The following AGBL1 variants were observed in gnomAD, a reference collection of about 807,000 sequenced individuals.
AGBL1 encodes cytosolic carboxypeptidase 4.
Under a neutral mutation model 118.9 loss-of-function variants are expected in AGBL1, and 130 were observed. The ratio of observed to expected loss-of-function variants is 1.09; its 90% CI spans 0.95 to 1.26. The LOEUF (loss-of-function observed/expected upper bound fraction) is 1.26, where lower values mean the gene tolerates loss of function less well. Among genes scored for constraint, AGBL1 ranks in the 50% most tolerant of loss-of-function variants. The probability of loss-of-function intolerance (pLI) is 0.00; values close to 1 mark genes in which losing one functional copy is unlikely to be tolerated. For synonymous variants in AGBL1, 555 were observed against 478.9 expected (o/e 1.16, Z -2.08); for missense variants, 1,584 against 1,298.1 (o/e 1.22, Z -3.38).
intron 5 of AGBL1, among the ~76,000 whole-genome samples, chr15:86,184,785 C>A (rs185774644): frequency 1.3e-5 from 2 of 152,160 alleles, no homozygotes; most frequent in Non-Finnish European, 2.9e-5. Flanking sequence ...GAAAAAACTA[C>A]TTTAAAGTTC....
At chr15:86,395,743 C>A (rs28474891) in intron 17 of AGBL1, among the ~76,000 whole-genome samples, 2,191 of 152,116 alleles carry the variant, frequency 0.014, 50 homozygotes, top group African/African-American at 0.051. Flanking sequence ...GGATTAATGG[C>A]TGTCAGCAGA....
rs770556494 is a variant in AGBL1, at chr15:86,870,454, C to CAAAAAAAAAAAAAAAAAAAAAAAAAAAA, written c.3159-36618_3159-36591dup. On this transcript the variant is annotated intron_variant, in intron 22 of 22. Coordinates refer to ENST00000614907, the MANE Select transcript of AGBL1 (RefSeq NM_001386094.1). ...GGCAAGAAAAAAGTAAAGCATACTG[C>CAAAAAAAAAAAAAAAAAAAAAAAAAAAA]AAAAAAAAAAAAAAAAAAAAAAAAA... is the stretch of plus-strand genomic sequence containing the variant. 1.0e-3 allele frequency among the ~76,000 whole-genome samples: 66 copies of CAAAAAAAAAAAAAAAAAAAAAAAAAAAA among 64,116 alleles called. 14 individuals are homozygous for CAAAAAAAAAAAAAAAAAAAAAAAAAAAA. Among genetic ancestry groups the CAAAAAAAAAAAAAAAAAAAAAAAAAAAA allele is most frequent in the Middle Eastern group, 9.1e-3 (1 of 110 alleles). 42.1% of individuals were successfully genotyped at this position (64,116 alleles called of 152,430 possible).
intron 22 of AGBL1, among the ~76,000 whole-genome samples, chr15:86,817,801 T>A (rs1214667603): frequency 6.6e-6 from 1 of 152,114 alleles, no homozygotes; most frequent in Non-Finnish European, 1.5e-5. Flanking sequence ...GCAGACGTAA[T>A]TAAGATGTTA....
At chr15:86,233,833 C>A (rs1050521440) in intron 6 of AGBL1, among the ~76,000 whole-genome samples, 1 of 152,210 alleles carries the variant, frequency 6.6e-6, no homozygotes, top group African/African-American at 2.4e-5. Flanking sequence ...TGAACTGAAC[C>A]TGACCCAGTG....
intron 21 of AGBL1, among the ~76,000 whole-genome samples, chr15:86,608,255 A>G (rs1305462707): frequency 6.6e-6 from 1 of 152,196 alleles, no homozygotes; most frequent in East Asian, 1.9e-4. Flanking sequence ...GTCACAAACT[A>G]CAATAATCTC....
At chr15:86,136,888 A>G (rs2076896754) in intron 1 of AGBL1, among the ~76,000 whole-genome samples, 1 of 152,198 alleles carries the variant, frequency 6.6e-6, no homozygotes, top group Non-Finnish European at 1.5e-5. Context: ...TATGAAAGAC[A>G]CTGTTCTTCC....
intron 24 of AGBL1, among the ~76,000 whole-genome samples, chr15:86,992,285 A>G (rs541730367): frequency 1.3e-5 from 2 of 152,100 alleles, no homozygotes; most frequent in Admixed American, 1.3e-4. Context: ...CATGACAAAA[A>G]CGCCTCCCAC....
intron 23 of AGBL1, among the ~76,000 whole-genome samples, chr15:86,951,533 T>C (rs1406045956): frequency 1.3e-5 from 2 of 152,166 alleles, no homozygotes; most frequent in African/African-American, 4.8e-5. Flanking sequence ...GTTAATCTCA[T>C]ATAATGTTGA....
chr15:86,917,314 G>A (rs897024801), downstream of AGBL1, among the ~76,000 whole-genome samples: 2 of 152,176 alleles, frequency 1.3e-5, no homozygotes, highest in African/African-American at 4.8e-5. The surrounding 1 kb of genome is among the most constrained non-coding windows in gnomAD (Gnocchi z 4.8). Flanking sequence ...GCCTGGGCCT[G>A]GGCCAACTGC....
At chr15:86,177,865 C>A (rs1194674292) in intron 5 of AGBL1, among the ~76,000 whole-genome samples, 5 of 151,346 alleles carry the variant, frequency 3.3e-5, no homozygotes, top group Non-Finnish European at 7.4e-5. Context: ...ACCTCAGCTT[C>A]CACCATAAGA....
At chr15:86,169,348 G>A (rs1341388446) in intron 5 of AGBL1, among the ~76,000 whole-genome samples, 1 of 152,154 alleles carries the variant, frequency 6.6e-6, no homozygotes, top group Non-Finnish European at 1.5e-5. Context: ...GAAATGGAGG[G>A]AACAATATCT....
chr15:86,314,559 A>C (rs1011976650), intron 17 of AGBL1, among the ~76,000 whole-genome samples: 3 of 152,184 alleles, frequency 2.0e-5, no homozygotes, highest in Non-Finnish European at 4.4e-5. Flanking sequence ...CTCTTTGCAC[A>C]GACATTTCTG....
chr15:86,159,182 C>G (rs2077233040), intron 5 of AGBL1, among the ~76,000 whole-genome samples, 156 bp downstream of exon 5: 1 of 152,132 alleles, frequency 6.6e-6, no homozygotes, highest in Admixed American at 6.6e-5. Context: ...CAGTTTACAT[C>G]CCTCCACACC....
chr15:86,389,935 T>A (rs566761403), intron 17 of AGBL1, among the ~76,000 whole-genome samples: 2 of 152,214 alleles, frequency 1.3e-5, no homozygotes, highest in South Asian at 4.1e-4. Context: ...ATTAATTATA[T>A]CAAATGGAAA....
chr15:86,680,088 A>G, intron 22 of AGBL1, among the ~76,000 whole-genome samples: 1 of 152,178 alleles, frequency 6.6e-6, no homozygotes, highest in Non-Finnish European at 1.5e-5. Context: ...TCTGTGTTCT[A>G]TTTATTTGAA....
At chr15:86,993,102 CATAA>C (rs1163726546) in intron 24 of AGBL1, among the ~76,000 whole-genome samples, 3 of 152,108 alleles carry the variant, frequency 2.0e-5, no homozygotes, top group South Asian at 2.1e-4. Flanking sequence ...TAATATTTGA[CATAA>C]ATAGTTTCAG....
At chr15:86,801,475 A>G (rs1032198466) in intron 22 of AGBL1, among the ~76,000 whole-genome samples, 1 of 151,960 alleles carries the variant, frequency 6.6e-6, no homozygotes, top group African/African-American at 2.4e-5. Flanking sequence ...TTACCTGCCC[A>G]TGGACCCTGG....
chr15:86,685,428 A>G (rs1343335272), intron 22 of AGBL1, among the ~76,000 whole-genome samples: 6 of 152,128 alleles, frequency 3.9e-5, no homozygotes, highest in African/African-American at 1.2e-4. Flanking sequence ...TACAATAGGA[A>G]TGGAAACTAA....
At chr15:86,549,874 G>A (rs1046247502) in intron 20 of AGBL1, among the ~76,000 whole-genome samples, 1 of 143,438 alleles carries the variant, frequency 7.0e-6, no homozygotes, top group African/African-American at 2.6e-5. Flanking sequence ...GGGAAGGGTG[G>A]GGAGGGGAGT....
Sources: allele counts gnomAD v4.1 joint callset (sites outside exome capture counted in the v4.1 genomes callset), GRCh38; gene constraint gnomAD v4.1.1; non-coding constraint Gnocchi (gnomAD v3.1); transcripts MANE v1.5; gene names NCBI Gene and HGNC (gene_info 2026-07-23, HGNC 2026-07-21).